The following BBS9 variants were observed in gnomAD, a reference collection of about 807,000 sequenced individuals.
BBS9 encodes Bardet-Biedl syndrome 9.
Under a neutral mutation model 117.7 loss-of-function variants are expected in BBS9, and 89 were observed. The ratio of observed to expected loss-of-function variants is 0.76; its 90% confidence interval spans 0.64 to 0.90. The LOEUF (loss-of-function observed/expected upper bound fraction) is 0.90. Ranked by LOEUF, BBS9 falls within the 40% of genes least tolerant of loss-of-function variation. The pLI, the probability that BBS9 is intolerant of heterozygous loss-of-function variation, is 0.00. For synonymous variants in BBS9, 379 were observed against 370.9 expected, an observed-to-expected ratio of 1.02 and a Z score of -0.25; for missense variants, 982 against 1,042.2, an observed-to-expected ratio of 0.94 and a Z score of 0.80.
intron 21 of BBS9, among the ~76,000 whole-genome samples, chr7:33,551,379 A>G (rs560038542): frequency 2.0e-5 from 3 of 152,284 alleles, no homozygotes; most frequent in Admixed American, 6.5e-5. Flanking sequence ...TGTACTGTGT[A>G]AATAAATTAC....
At chr7:33,520,434 T>G (rs1848441682) in intron 20 of BBS9, among the ~76,000 whole-genome samples, 4 of 152,224 alleles carry the variant, frequency 2.6e-5, no homozygotes, top group Admixed American at 2.6e-4. Context: ...GGTATGGGAA[T>G]AACTACCTAC....
intron 19 of BBS9, among the ~76,000 whole-genome samples, chr7:33,402,389 C>A (rs565898463): frequency 6.6e-6 from 1 of 152,074 alleles, no homozygotes; most frequent in Non-Finnish European, 1.5e-5. Flanking sequence ...AAAATTCATG[C>A]GTTGTAGTGT....
intron 1 of BBS9, among the ~76,000 whole-genome samples, chr7:33,135,932 T>G (rs1049373875): frequency 7.2e-5 from 11 of 152,118 alleles, no homozygotes; most frequent in African/African-American, 4.8e-5. Context: ...TCTTTTTTTT[T>G]TTGTTTTTTG....
intron 21 of BBS9, among the ~76,000 whole-genome samples, chr7:33,603,940 G>A (rs1864193104): frequency 6.6e-6 from 1 of 152,128 alleles, no homozygotes; most frequent in South Asian, 2.1e-4. Context: ...TTTGAAATCA[G>A]TGCTGCTGAT....
At chr7:33,225,278 G>A (rs1583725793) in intron 5 of BBS9, among the ~76,000 whole-genome samples, 1 of 152,072 alleles carries the variant, frequency 6.6e-6, no homozygotes, top group African/African-American at 2.4e-5. Context: ...GCTCACTGTG[G>A]CCTTGACCTC....
intron 19 of BBS9, among the ~76,000 whole-genome samples, chr7:33,435,000 AT>A (rs1390480766): frequency 6.6e-6 from 1 of 152,174 alleles, no homozygotes; most frequent in African/African-American, 2.4e-5. Flanking sequence ...ATACTAGGAA[AT>A]CTCATCTCCT....
intron 5 of BBS9, among the ~76,000 whole-genome samples, chr7:33,236,479 A>G (rs1306001486): frequency 1.3e-5 from 2 of 151,972 alleles, no homozygotes; most frequent in Admixed American, 1.3e-4. Flanking sequence ...CTTTAAACAA[A>G]ATGGGTTATA....
intron 16 of BBS9, among the ~76,000 whole-genome samples, chr7:33,363,514 C>T (rs114410300): frequency 2.5e-4 from 38 of 152,254 alleles, no homozygotes; most frequent in African/African-American, 7.7e-4. Context: ...CATAGATGAT[C>T]ATGTTACATG....
chr7:33,136,153 G>T (rs1790428286), intron 1 of BBS9, among the ~76,000 whole-genome samples: 1 of 151,952 alleles, frequency 6.6e-6, no homozygotes, highest in Non-Finnish European at 1.5e-5. Context: ...TTTCATTTTG[G>T]ATTGTTCATT....
At chr7:33,477,500 A>C (rs1017783147) in intron 19 of BBS9, among the ~76,000 whole-genome samples, 4 of 152,164 alleles carry the variant, frequency 2.6e-5, no homozygotes, top group African/African-American at 9.7e-5. Context: ...AATATCTCAT[A>C]ATAGAGGTTA....
At chr7:33,564,699 A>G (rs1191996660) in intron 21 of BBS9, among the ~76,000 whole-genome samples, 1 of 152,228 alleles carries the variant, frequency 6.6e-6, no homozygotes, top group African/African-American at 2.4e-5. Context: ...TCTTCTGGAA[A>G]AGAGGTGAAA....
chr7:33,361,339 C>T (rs1265084525), intron 16 of BBS9, among the ~76,000 whole-genome samples: 1 of 152,104 alleles, frequency 6.6e-6, no homozygotes, highest in Non-Finnish European at 1.5e-5. Context: ...TCTACATTTG[C>T]TTGTCAATAC....
intron 5 of BBS9, among the ~76,000 whole-genome samples, chr7:33,242,362 A>C (rs1794674452): frequency 6.6e-6 from 1 of 152,026 alleles, no homozygotes; most frequent in Non-Finnish European, 1.5e-5. Flanking sequence ...CAATATGAGG[A>C]TCTACTAGAT....
intron 19 of BBS9, among the ~76,000 whole-genome samples, chr7:33,424,057 G>C (rs963735885): frequency 6.6e-6 from 1 of 152,088 alleles, no homozygotes; most frequent in African/African-American, 2.4e-5. Context: ...TCTCAAACTT[G>C]ACATTAACTA....
Position 33,593,958 on chromosome 7 carries a change from C to T in BBS9, c.2522-10907C>T, listed in dbSNP as rs575541028. 8.5e-5 allele frequency among the ~76,000 whole-genome samples: 13 copies of T among 152,160 alleles called. No homozygotes were observed. The South Asian group carries it at 2.1e-3, about 24-fold the overall frequency. ...TATGTTTCTGTAATTTCTTAATTCT[C>T]GCCACCAAGTGAGTCTAAATTCTAA... On this transcript the variant is annotated intron_variant, in intron 21 of 22. Coordinates refer to ENST00000242067, the MANE Select transcript of BBS9 (RefSeq NM_198428.3).
intron 17 of BBS9, among the ~76,000 whole-genome samples, chr7:33,377,156 T>C (rs955141470): frequency 6.6e-6 from 1 of 152,214 alleles, no homozygotes; most frequent in Non-Finnish European, 1.5e-5. Flanking sequence ...CTAGGTTGTC[T>C]TCCAGGGTTT....
chr7:33,263,711 T>A (rs545922312), intron 6 of BBS9, among the ~76,000 whole-genome samples: 1 of 152,254 alleles, frequency 6.6e-6, no homozygotes, highest in South Asian at 2.1e-4. Flanking sequence ...AATAATTGTA[T>A]ACCTACTATA....
chr7:33,227,421 A>G (rs1791499299), intron 5 of BBS9, among the ~76,000 whole-genome samples: 1 of 152,196 alleles, frequency 6.6e-6, no homozygotes, highest in Non-Finnish European at 1.5e-5. Flanking sequence ...TGCTGAGATT[A>G]CAGGTGTGAG....
At chr7:33,148,253 G>A (rs1792729977) in intron 2 of BBS9, among the ~76,000 whole-genome samples, 1 of 152,152 alleles carries the variant, frequency 6.6e-6, no homozygotes, top group Admixed American at 6.5e-5. Context: ...GAGAACAGGT[G>A]AAAATGCACA....
Sources: gnomAD v4.1 joint callset for allele counts (sites outside exome capture counted in the v4.1 genomes callset) on GRCh38, gnomAD v4.1.1 for gene constraint, MANE v1.5 for transcripts, NCBI Gene and HGNC (gene_info 2026-07-23, HGNC 2026-07-21) for gene names.